The following ADAMTS2 variants were observed in gnomAD, a reference collection of about 807,000 sequenced individuals.
ADAMTS2 encodes the protein ADAM metallopeptidase with thrombospondin type 1 motif 2, also known as A disintegrin and metalloproteinase with thrombospondin motifs 2.
In ADAMTS2, 50 loss-of-function variants were observed where a neutral mutation model predicts 123.0. The ratio of observed to expected loss-of-function variants is 0.41; its 90% CI spans 0.32 to 0.51. The LOEUF (loss-of-function observed/expected upper bound fraction) is 0.51. Among genes scored for constraint, ADAMTS2 ranks in the 20% least tolerant of loss-of-function variants. The probability of loss-of-function intolerance (pLI) is 0.35; values close to 1 mark genes in which losing one functional copy is unlikely to be tolerated. For synonymous variants in ADAMTS2, 678 were observed against 695.4 expected (o/e 0.98, Z 0.39); for missense variants, 1,494 against 1,705.2 (o/e 0.88, Z 2.18).
At chr5:179,171,522 C>G (rs1763813834) in intron 5 of ADAMTS2, among the ~76,000 whole-genome samples, 1 of 124,758 alleles carries the variant, frequency 8.0e-6, no homozygotes, top group Admixed American at 7.8e-5. Context: ...CAGCCCAGAA[C>G]CCCCCAGAGA....
At position 179,139,986 on chromosome 5, in the gene ADAMTS2, C is replaced by T. The variant is rs745962081; in HGVS notation, c.1679G>A (p.Arg560Gln). 8.1e-6 allele frequency: 13 copies of T among 1,614,004 alleles called. No homozygotes were observed. Among genetic ancestry groups the T allele is most frequent in the East Asian group, 2.2e-5 (1 of 44,888 alleles). The change falls in exon 11 of 22, where the codon CGG (arginine) becomes CAG (glutamine). Residue 560 changes from arginine (R) to glutamine (Q), a missense_variant. Transcript: ENST00000251582. The stretch of plus-strand genomic sequence containing the variant: ...ACTCCAAGCGCCCCAGCTGCCGTCC[C>T]GTTTGAGGATGTCAGGTGTCAGCCA... ...CIWLTPDILK[R>Q]DGSWGAWSPF...
Position 179,234,672 on chromosome 5 carries a change from C to T in ADAMTS2, c.689-26957G>A, listed in dbSNP as rs1765485653. Among the ~76,000 whole-genome samples, 2 of 152,164 alleles carry T rather than the reference C, an allele frequency of 1.3e-5. No individual in the cohort carries two copies. Among genetic ancestry groups the T allele is most frequent in the Non-Finnish European group, 2.9e-5 (2 of 68,032 alleles). On this transcript the variant is annotated intron_variant, in intron 3 of 21. Transcript: ENST00000251582. This position sits in a 1 kb window ranked among gnomAD's most constrained non-coding sequence, Gnocchi z 4.7. ...CAACCCATCAGCCATTGCTGCTGTG[C>T]CCATCTCATCTCCACATCCAAGGAG...
chr5:179,210,812 C>T (rs976022087), intron 3 of ADAMTS2, among the ~76,000 whole-genome samples: 12 of 152,242 alleles, frequency 7.9e-5, no homozygotes, highest in African/African-American at 2.9e-4. Flanking sequence ...GCTGAAGCCC[C>T]AGCTTGTCAA....
chr5:179,312,173 A>G lies in ADAMTS2; in HGVS notation c.534+31594T>C, dbSNP rs1227541259. On this transcript the variant is annotated intron_variant, in intron 2 of 21. Coordinates refer to ENST00000251582, the MANE Select transcript of ADAMTS2 (RefSeq NM_014244.5). The surrounding 1 kb of genome is among the most constrained non-coding windows in gnomAD (Gnocchi z 4.2). ...CTGGAACCCATAAATGTTACCTTCC[A>G]TGGCAAAAAAGAACTTTGTAGATGC... Among the ~76,000 whole-genome samples, 2 of 152,192 alleles carry G rather than the reference A, an allele frequency of 1.3e-5. No individual in the cohort carries two copies. The highest frequency in any genetic ancestry group is 2.9e-5 in the Non-Finnish European group (2 of 68,034).
intron 3 of ADAMTS2, among the ~76,000 whole-genome samples, chr5:179,217,622 G>A (rs1051601086): frequency 7.3e-5 from 11 of 151,088 alleles, no homozygotes; most frequent in Non-Finnish European, 1.3e-4. Flanking sequence ...GCTGTTGGGC[G>A]GGCTTTGGGT....
rs191300040 is a variant in ADAMTS2 at position 179,249,633 on chromosome 5, C to T, written c.688+23278G>A. On this transcript the variant is annotated intron_variant, in intron 3 of 21. Transcript: ENST00000251582. ...AATATTATGTACAATTGTATACGAA[C>T]AAATTAAATAACCTAGAAGAAATGG... 7.7e-3 allele frequency among the ~76,000 whole-genome samples: 1,172 copies of T among 152,114 alleles called. 7 individuals carry two copies. The highest frequency in any genetic ancestry group is 0.024 in the Middle Eastern group (7 of 294).
At chr5:179,295,840 G>A (rs1756312520) in intron 2 of ADAMTS2, among the ~76,000 whole-genome samples, 1 of 152,202 alleles carries the variant, frequency 6.6e-6, no homozygotes, top group Non-Finnish European at 1.5e-5. Context: ...GTCCTCAAAA[G>A]CCCTTCCATA....
At chr5:179,176,235 G>A (rs763343301) in intron 5 of ADAMTS2, among the ~76,000 whole-genome samples, 3 of 152,156 alleles carry the variant, frequency 2.0e-5, no homozygotes, top group Non-Finnish European at 2.9e-5. Context: ...AGTGCCCTGT[G>A]AGGGGCTACG....
Position 179,223,402 on chromosome 5 carries a change from G to T in ADAMTS2, c.689-15687C>A, listed in dbSNP as rs201067836. Reference sequence around the variant, plus strand: ...CACACACGAATGCACTCACACACACGCATGCAGTCACATACACACATGCAC... The same window carrying T: ...CACACACGAATGCACTCACACACACTCATGCAGTCACATACACACATGCAC... On this transcript the variant is annotated intron_variant, in intron 3 of 21. Coordinates refer to ENST00000251582, the MANE Select transcript of ADAMTS2 (RefSeq NM_014244.5). Among the ~76,000 whole-genome samples, 390 of 79,046 alleles carry T rather than the reference G, an allele frequency of 4.9e-3. 3 individuals carry two copies. The highest frequency in any genetic ancestry group is 0.018 in the African/African-American group (378 of 20,664). The allele number at this position is 79,046 out of a possible 152,430, so 51.9% of individuals were successfully genotyped here.
At chr5:179,322,274 C>T (rs1293754446) in intron 2 of ADAMTS2, among the ~76,000 whole-genome samples, 5 of 152,238 alleles carry the variant, frequency 3.3e-5, no homozygotes, top group East Asian at 1.9e-4. Context: ...TGGGACCCAG[C>T]GCAGGTGGGG....
Position 179,129,794 on chromosome 5 carries a change from C to T in ADAMTS2, c.2457+138G>A. 8.3e-7 allele frequency: 1 copy of T among 1,197,750 alleles called. No homozygotes were observed. Among genetic ancestry groups the T allele is most frequent in the Non-Finnish European group, 1.2e-6 (1 of 855,552 alleles). The allele number at this position is 1,197,750 out of a possible 1,614,324, so 74.2% of individuals were successfully genotyped here. ...CCTGGCTCTGACCAAGTCGGAGCCCCTTGGTGCCAAAGGCAGGCCAAAGGG... is the reference window on the plus strand; with the variant it reads ...CCTGGCTCTGACCAAGTCGGAGCCCTTTGGTGCCAAAGGCAGGCCAAAGGG... On this transcript the variant is annotated intron_variant, in intron 16 of 21. Coordinates refer to ENST00000251582, the MANE Select transcript of ADAMTS2 (RefSeq NM_014244.5). The surrounding 1 kb of genome is among the most constrained non-coding windows in gnomAD (Gnocchi z 4.1).
In ADAMTS2 at chr5:179,325,942, G is replaced by A. The variant is rs557714124; in HGVS notation, c.534+17825C>T. On this transcript the variant is annotated intron_variant, in intron 2 of 21. Transcript: ENST00000251582. ...CAGCCGCCTCTGGGCCACACCCTCC[G>A]GATTCACTCCCAAAGGAGAACGGCC... 7.9e-5 allele frequency among the ~76,000 whole-genome samples: 12 copies of A among 152,344 alleles called. No individual in the cohort carries two copies. In the Middle Eastern group the frequency reaches 0.01, roughly 130 times the overall value.
rs561937614 is a variant in ADAMTS2, at chr5:179,117,441, G to A, written c.3179-3117C>T. Among the ~76,000 whole-genome samples, 10 of 152,334 alleles carry A rather than the reference G, an allele frequency of 6.6e-5. No individual in the cohort carries two copies. Among genetic ancestry groups the A allele is most frequent in the Non-Finnish European group, 1.2e-4 (8 of 68,032 alleles). On this transcript the variant is annotated intron_variant, in intron 21 of 21. Coordinates refer to ENST00000251582, the MANE Select transcript of ADAMTS2 (RefSeq NM_014244.5). This position sits in a 1 kb window ranked among gnomAD's most constrained non-coding sequence, Gnocchi z 4.2. The stretch of plus-strand genomic sequence containing the variant: ...ACCAGGCTGGGATCCCTGAAAAGCA[G>A]GAATCACATCAGCCTGGTACAGTGG...
At chr5:179,207,475 T>TACC in intron 4 of ADAMTS2, 38 bp downstream of exon 4, 246 of 588,484 alleles carry the variant, frequency 4.2e-4, no homozygotes, top group East Asian at 8.3e-4. Context: ...TGGTTGACCC[T>TACC]CCCCGCCCCA....
rs917212482 is a variant in ADAMTS2 at position 179,256,052 on chromosome 5, G to A, written c.688+16859C>T. Among the ~76,000 whole-genome samples the A allele has an allele frequency of 8.5e-5, 13 of 152,264 alleles. No homozygotes were observed. The highest frequency in any genetic ancestry group is 4.1e-4 in the South Asian group (2 of 4,822). ...TCCTTCTCTGTCCCCAGCCTCTCCCGCAGCTTGGCCTTGGTCCACCGTGGA... is the reference window on the plus strand; with the variant it reads ...TCCTTCTCTGTCCCCAGCCTCTCCCACAGCTTGGCCTTGGTCCACCGTGGA... On this transcript the variant is annotated intron_variant, in intron 3 of 21. Coordinates refer to ENST00000251582, the MANE Select transcript of ADAMTS2 (RefSeq NM_014244.5). This position sits in a 1 kb window ranked among gnomAD's most constrained non-coding sequence, Gnocchi z 4.1.
Position 179,130,221 on chromosome 5 carries a change from C to A in ADAMTS2, c.2291-123G>T. 8.0e-7 allele frequency: 1 copy of A among 1,256,390 alleles called. No homozygotes were observed. Among genetic ancestry groups the A allele is most frequent in the Non-Finnish European group, 1.1e-6 (1 of 881,352 alleles). 77.8% of individuals were successfully genotyped at this position (1,256,390 alleles called of 1,614,324 possible). A position where few individuals can be genotyped will look rare whatever the true frequency, so the allele number is the denominator to read the frequency against. Reference sequence around the variant, plus strand: ...GACCCCTTGTCTCTCTGGCTGCCCCCGGCCAGTTTCCTCTGTGCCACGACA... The same window carrying A: ...GACCCCTTGTCTCTCTGGCTGCCCCAGGCCAGTTTCCTCTGTGCCACGACA... On this transcript the variant is annotated intron_variant, in intron 15 of 21. Transcript: ENST00000251582. This position sits in a 1 kb window ranked among gnomAD's most constrained non-coding sequence, Gnocchi z 4.3.
chr5:179,122,925 C>T, intron 19 of ADAMTS2, 152 bp from the exon 20 acceptor site: 1 of 1,213,104 alleles, frequency 8.2e-7, no homozygotes, highest in Non-Finnish European at 1.2e-6. Context: ...GTTGCCTTGC[C>T]CCACCCTCGG....
At chr5:179,313,304 A>T (rs1375603835) in intron 2 of ADAMTS2, among the ~76,000 whole-genome samples, 2 of 3,790 alleles carry the variant, frequency 5.3e-4, no homozygotes, top group Non-Finnish European at 7.1e-4. Context: ...ACACACTCAC[A>T]CCGAGACAGA....
In ADAMTS2 at chr5:179,240,319, T is replaced by C. The variant is rs539590402; in HGVS notation, c.688+32592A>G. 3.9e-5 allele frequency among the ~76,000 whole-genome samples: 6 copies of C among 152,304 alleles called. No homozygotes were observed. In the South Asian group the frequency reaches 6.2e-4, roughly 16 times the overall value. ...ATGAAGTAGGTAGAAAGTTTCATTT[T>C]ACCAGGACTAGGGCATTGTTCAGTA... On this transcript the variant is annotated intron_variant, in intron 3 of 21. Coordinates refer to ENST00000251582, the MANE Select transcript of ADAMTS2 (RefSeq NM_014244.5).
Sources: allele counts gnomAD v4.1 joint callset (sites outside exome capture counted in the v4.1 genomes callset), GRCh38; gene constraint gnomAD v4.1.1; non-coding constraint Gnocchi (gnomAD v3.1); transcripts MANE v1.5; gene names NCBI Gene and HGNC (gene_info 2026-07-23, HGNC 2026-07-21).